Variants in THBS4 observed in about 807,000 individuals in gnomAD.
The protein encoded by THBS4 is thrombospondin 4.
THBS4 carries 90 observed loss-of-function variants against 115.7 expected under a neutral mutation model. That is an observed-to-expected ratio of 0.78 (90% CI 0.66 to 0.93). THBS4 has a LOEUF of 0.93. THBS4 is among the 40% of genes least tolerant of loss of function. The probability of loss-of-function intolerance (pLI) is 0.00; values close to 1 mark genes in which losing one functional copy is unlikely to be tolerated. For missense variants in THBS4, 1,087 were observed against 1,232.7 expected (o/e 0.88, Z 1.77); for synonymous variants, 460 against 479.3 (o/e 0.96, Z 0.53).
At chr5:80,076,773 G>T (rs1743237834) in intron 15 of THBS4, 82 bp from the exon 16 acceptor site, 1 of 1,342,790 alleles carries the variant, frequency 7.4e-7, no homozygotes, top group Non-Finnish European at 9.8e-7. Flanking sequence ...AAAACCTCAA[G>T]CACAGACTCT....
intron 2 of THBS4, among the ~76,000 whole-genome samples, chr5:80,051,207 C>T (rs979143114): frequency 1.3e-5 from 2 of 152,186 alleles, no homozygotes; most frequent in Admixed American, 1.3e-4. Flanking sequence ...GGAAAACTCG[C>T]ACCCAACAGG....
chr5:80,011,743 C>G (rs1300931329), intron 2 of THBS4, among the ~76,000 whole-genome samples: 1 of 152,128 alleles, frequency 6.6e-6, no homozygotes, highest in Non-Finnish European at 1.5e-5. Context: ...GGACACACGT[C>G]CAACCTGCAC....
intron 2 of THBS4, among the ~76,000 whole-genome samples, chr5:79,999,538 G>A (rs1831857514): frequency 6.6e-6 from 1 of 152,174 alleles, no homozygotes; most frequent in Non-Finnish European, 1.5e-5. Flanking sequence ...AAGTCATTAT[G>A]TGTATTGTTT....
rs556897238 is a variant in THBS4, at chr5:80,026,456, C to T, written n.178-13621C>T. On this transcript the variant is annotated intron_variant and non_coding_transcript_variant, in intron 2 of 3. Transcript: ENST00000510218. ...TCTAATATTAATGGACAAGGATTGC[C>T]AGAAAAGGCATGATCTAGAACAGGG... 1.0e-3 allele frequency among the ~76,000 whole-genome samples: 153 copies of T among 152,254 alleles called. 2 individuals carry two copies. The highest frequency in any genetic ancestry group is 3.4e-3 in the African/African-American group (142 of 41,550).
chr5:80,028,498 G>A (rs143538159), intron 2 of THBS4, among the ~76,000 whole-genome samples: 6 of 151,226 alleles, frequency 4.0e-5, no homozygotes, highest in Admixed American at 6.6e-5. Flanking sequence ...TTGATATGTC[G>A]CCCAGGATGG....
At chr5:80,040,004 C>T (rs991571926) in intron 1 of THBS4, 73 bp from the exon 2 acceptor site, 2 of 1,379,154 alleles carry the variant, frequency 1.5e-6, no homozygotes, top group African/African-American at 1.4e-5. Flanking sequence ...TTGCACCCCC[C>T]CCAAACAAAG....
intron 2 of THBS4, among the ~76,000 whole-genome samples, chr5:80,048,652 G>A (rs1561308663): frequency 2.0e-5 from 3 of 152,024 alleles, no homozygotes; most frequent in East Asian, 3.9e-4. Flanking sequence ...GTGTGTGTGT[G>A]TGTGTGTGTG....
At chr5:80,008,892 T>C (rs1259510039) in intron 2 of THBS4, among the ~76,000 whole-genome samples, 2 of 152,190 alleles carry the variant, frequency 1.3e-5, no homozygotes, top group African/African-American at 4.8e-5. Context: ...GTACAGTATA[T>C]GTATTAATAT....
At chr5:80,013,853 A>G (rs1025459211) in intron 2 of THBS4, among the ~76,000 whole-genome samples, 1 of 152,262 alleles carries the variant, frequency 6.6e-6, no homozygotes, top group Admixed American at 6.5e-5. Context: ...CCTAAAACGT[A>G]GTAAGCACTG....
intron 2 of THBS4, among the ~76,000 whole-genome samples, chr5:80,053,555 A>G (rs1833321022): frequency 6.6e-6 from 1 of 152,134 alleles, no homozygotes; most frequent in African/African-American, 2.4e-5. Flanking sequence ...TACCCTCCAG[A>G]AAAGTTCTGC....
chr5:80,008,646 G>A (rs892872765), intron 2 of THBS4, among the ~76,000 whole-genome samples: 5 of 152,074 alleles, frequency 3.3e-5, no homozygotes, highest in African/African-American at 1.2e-4. Flanking sequence ...ACAGAGGCAG[G>A]GTTTCTCAAC....
intron 1 of THBS4, 134 bp from the exon 2 acceptor site, chr5:80,039,943 G>A (rs1832839115): frequency 5.3e-6 from 4 of 761,028 alleles, no homozygotes; most frequent in Admixed American, 4.9e-5. Flanking sequence ...TTGGCAATAC[G>A]GAAAAGGGAT....
intron 2 of THBS4, among the ~76,000 whole-genome samples, chr5:80,015,283 G>C (rs990323244): frequency 1.3e-5 from 2 of 152,182 alleles, no homozygotes; most frequent in Admixed American, 6.5e-5. Context: ...AGCTAAGTAG[G>C]GGCTGAGCAT....
intron 20 of THBS4, among the ~76,000 whole-genome samples, chr5:80,080,457 T>G (rs1389332032): frequency 1.3e-5 from 2 of 152,040 alleles, no homozygotes; most frequent in African/African-American, 4.8e-5. Flanking sequence ...CCCTCCCCTG[T>G]GGCACCTCTG....
chr5:80,002,760 AAAG>A (rs1831928980), intron 2 of THBS4, among the ~76,000 whole-genome samples: 1 of 151,522 alleles, frequency 6.6e-6, no homozygotes. Flanking sequence ...AAAAAAAAAA[AAAG>A]GAAAACCTAA....
chr5:80,063,559 T>C lies in THBS4; in HGVS notation c.1125+1727T>C, dbSNP rs1833710945. On this transcript the variant is annotated intron_variant, in intron 8 of 21. Transcript: ENST00000350881. ...AGTTTAATTAGATCCCATTTGTCAA[T>C]TTTGGCTTTTGTTGCCATTGCTTTA... Among the ~76,000 whole-genome samples, 3 of 152,346 alleles carry C rather than the reference T, an allele frequency of 2.0e-5. No individual in the cohort carries two copies. The South Asian group carries it at 6.2e-4, about 32-fold the overall frequency.
rs372627675 is a variant in THBS4 at position 80,078,904 on chromosome 5, C to G, written c.2266-17C>G. On this transcript the variant is annotated splice_polypyrimidine_tract_variant and intron_variant, in intron 17 of 21. Coordinates refer to ENST00000350881, the MANE Select transcript of THBS4 (RefSeq NM_003248.6). The stretch of plus-strand genomic sequence containing the variant: ...CCCCTTCAAGACTGTTCTGAACTCC[C>G]TCAACTCTCTCTGCAGGGCATGGAG... 16 of 1,612,920 alleles carry G rather than the reference C, an allele frequency of 9.9e-6. No individual in the cohort carries two copies. The African/African-American group carries it at 1.9e-4, about 19-fold the overall frequency.
At chr5:80,000,265 T>C (rs762012542) in intron 2 of THBS4, among the ~76,000 whole-genome samples, 1 of 152,238 alleles carries the variant, frequency 6.6e-6, no homozygotes, top group Non-Finnish European at 1.5e-5. Flanking sequence ...TAGATGCTTA[T>C]AGTTGATGGA....
At chr5:80,022,902 C>A (rs1481090498) in intron 2 of THBS4, among the ~76,000 whole-genome samples, 2 of 152,080 alleles carry the variant, frequency 1.3e-5, no homozygotes, top group African/African-American at 4.8e-5. Context: ...GCTTGGGATC[C>A]TCGGGATTAG....
Sources: allele counts gnomAD v4.1 joint callset (sites outside exome capture counted in the v4.1 genomes callset), GRCh38; gene constraint gnomAD v4.1.1; transcripts MANE v1.5; gene names NCBI Gene and HGNC (gene_info 2026-07-23, HGNC 2026-07-21).